Variants in ARHGEF10 observed in about 807,000 individuals in gnomAD.
ARHGEF10 encodes the protein Rho guanine nucleotide exchange factor 10, also known as Rho guanine nucleotide exchange factor (GEF) 10.
In ARHGEF10, 140 loss-of-function variants were observed where a neutral mutation model predicts 147.4. That is an observed-to-expected ratio of 0.95 (90% confidence interval 0.83 to 1.09). ARHGEF10 has a LOEUF of 1.09. Among genes scored for constraint, ARHGEF10 ranks in the 50% least tolerant of loss-of-function variants. The pLI is 0.00. For synonymous variants in ARHGEF10, 902 were observed against 695.8 expected, an observed-to-expected ratio of 1.30 and a Z score of -4.67; for missense variants, 2,222 against 1,752.7, an observed-to-expected ratio of 1.27 and a Z score of -4.78.
At chr8:1,911,061 A>T (rs1283691259) in intron 18 of ARHGEF10, among the ~76,000 whole-genome samples, 1 of 152,252 alleles carries the variant, frequency 6.6e-6, no homozygotes, top group African/African-American at 2.4e-5. Flanking sequence ...TTATCATTGC[A>T]TTTGCACCCT....
chr8:1,862,993 C>G (rs957092151), intron 4 of ARHGEF10, among the ~76,000 whole-genome samples: 1 of 152,012 alleles, frequency 6.6e-6, no homozygotes, highest in African/African-American at 2.4e-5. Flanking sequence ...CCATGTTGAC[C>G]AGGATGGACT....
intron 18 of ARHGEF10, among the ~76,000 whole-genome samples, chr8:1,919,647 G>C (rs1042837316): frequency 1.3e-5 from 2 of 149,414 alleles, no homozygotes; most frequent in African/African-American, 5.0e-5. Flanking sequence ...TGTGGGTGAT[G>C]AGCTGTTCTG....
intron 18 of ARHGEF10, 118 bp downstream of exon 18, chr8:1,909,588 G>A (rs114423815): frequency 1.5e-6 from 2 of 1,331,296 alleles, no homozygotes; most frequent in South Asian, 2.5e-5. Flanking sequence ...AACATGGCAA[G>A]TCTGCAGAGG....
intron 1 of ARHGEF10, 135 bp from the exon 2 acceptor site, chr8:1,843,218 G>A: frequency 1.5e-6 from 1 of 676,078 alleles, no homozygotes; most frequent in South Asian, 1.6e-5. Flanking sequence ...CTAATAGGTG[G>A]TGAGTCTTCT....
intron 2 of ARHGEF10, among the ~76,000 whole-genome samples, chr8:1,844,794 C>G (rs1473199450): frequency 6.6e-6 from 1 of 152,090 alleles, no homozygotes; most frequent in Non-Finnish European, 1.5e-5. Context: ...AGGTCGGGCA[C>G]CTCAGCTCAC....
chr8:1,841,367 A>C (rs765327939), intron 1 of ARHGEF10, among the ~76,000 whole-genome samples: 1 of 152,244 alleles, frequency 6.6e-6, no homozygotes, highest in Non-Finnish European at 1.5e-5. Context: ...CAGCGCCTCC[A>C]GGGCGATTTT....
chr8:1,907,287 A>G (rs1179261037), intron 17 of ARHGEF10, among the ~76,000 whole-genome samples: 1 of 152,080 alleles, frequency 6.6e-6, no homozygotes, highest in Non-Finnish European at 1.5e-5. Flanking sequence ...TCCATGTAAC[A>G]CCTGGAAAGT....
At chr8:1,839,727 C>CGGTGTGGAAGCTGTCT (rs1235059318) in intron 1 of ARHGEF10, among the ~76,000 whole-genome samples, 393 of 74,608 alleles carry the variant, frequency 5.3e-3, no homozygotes, top group Middle Eastern at 0.017. Flanking sequence ...GGGGACTGTC[C>CGGTGTGGAAGCTGTCT]GGTGTGGAAG....
intron 1 of ARHGEF10, among the ~76,000 whole-genome samples, chr8:1,842,065 CCGCGGCGGGAACT>C (rs1804133480): frequency 2.1e-5 from 3 of 144,162 alleles, no homozygotes; most frequent in Non-Finnish European, 3.1e-5. Flanking sequence ...GGAACTGGGG[CCGCGGCGGGAACT>C]GGGGCCGCGA....
rs367730705 is a variant in ARHGEF10 at position 1,859,887 on chromosome 8, G to T, written c.194-10G>T. ...ATGTGTCTGCTGACAAGTCCTTTCT[G>T]CATCCCCAGGAGGTGAGGATGGAGC... On this transcript the variant is annotated splice_polypyrimidine_tract_variant and intron_variant, in intron 3 of 28. Transcript: ENST00000349830. 5 of 1,613,878 alleles carry T rather than the reference G, an allele frequency of 3.1e-6. No homozygotes were observed. Among genetic ancestry groups the T allele is most frequent in the Non-Finnish European group, 4.2e-6 (5 of 1,179,986 alleles).
chr8:1,917,459 C>T (rs547103017), intron 18 of ARHGEF10, among the ~76,000 whole-genome samples: 2 of 152,336 alleles, frequency 1.3e-5, no homozygotes, highest in East Asian at 3.9e-4. Context: ...GGACCGAGCA[C>T]ACCCCCAGGG....
intron 25 of ARHGEF10, among the ~76,000 whole-genome samples, chr8:1,930,824 C>T (rs1813077671): frequency 6.6e-6 from 1 of 151,328 alleles, no homozygotes; most frequent in Non-Finnish European, 1.5e-5. Context: ...ACTTCTTTCT[C>T]ACTCCGGTAG....
intron 2 of ARHGEF10, 99 bp downstream of exon 2, chr8:1,843,535 G>A: frequency 2.2e-6 from 2 of 917,656 alleles, no homozygotes; most frequent in South Asian, 2.8e-5. Flanking sequence ...GGTCACTGGG[G>A]TATGGGGTGG....
At chr8:1,884,687 T>G (rs1050102402) in intron 10 of ARHGEF10, among the ~76,000 whole-genome samples, 4 of 152,214 alleles carry the variant, frequency 2.6e-5, no homozygotes, top group Non-Finnish European at 1.5e-5. Context: ...CATCTAAAAG[T>G]GCCTGTGCTT....
chr8:1,865,750 A>G (rs1022359016), intron 5 of ARHGEF10, among the ~76,000 whole-genome samples: 1 of 152,102 alleles, frequency 6.6e-6, no homozygotes, highest in African/African-American at 2.4e-5. Flanking sequence ...CCATAGGAAC[A>G]TTTTCCGAGG....
chr8:1,892,733 G>T (rs1046580368), intron 11 of ARHGEF10, among the ~76,000 whole-genome samples: 1 of 152,076 alleles, frequency 6.6e-6, no homozygotes, highest in Non-Finnish European at 1.5e-5. Context: ...GGTGTGGTGT[G>T]CCCGGGCGTG....
upstream of ARHGEF10, among the ~76,000 whole-genome samples, chr8:1,823,663 T>G (rs1412372552): frequency 6.0e-5 from 9 of 149,536 alleles, no homozygotes; most frequent in Non-Finnish European, 1.3e-4. Flanking sequence ...CCTCCCGAAG[T>G]GAGCGCGGCC....
chr8:1,840,966 T>C (rs1803985624), intron 1 of ARHGEF10, among the ~76,000 whole-genome samples: 2 of 152,204 alleles, frequency 1.3e-5, no homozygotes, highest in South Asian at 4.1e-4. Flanking sequence ...GGGCACCCGA[T>C]GTGGATCCTG....
intron 26 of ARHGEF10, among the ~76,000 whole-genome samples, chr8:1,936,246 G>T (rs971550154): frequency 6.6e-6 from 1 of 152,152 alleles, no homozygotes; most frequent in African/African-American, 2.4e-5. Flanking sequence ...CGGGCACAGC[G>T]GCTCACACCT....
Sources: gnomAD v4.1 joint callset for allele counts (sites outside exome capture counted in the v4.1 genomes callset) on GRCh38, gnomAD v4.1.1 for gene constraint, MANE v1.5 for transcripts, NCBI Gene and HGNC (gene_info 2026-07-23, HGNC 2026-07-21) for gene names.